Variants in CMIP observed in about 807,000 individuals in gnomAD.
The protein encoded by CMIP is C-Maf-inducing protein.
CMIP carries 13 observed loss-of-function variants against 97.3 expected under a neutral mutation model. The ratio of observed to expected loss-of-function variants is 0.13; its 90% CI spans 0.09 to 0.21. CMIP has a LOEUF of 0.21. Ranked by LOEUF, CMIP falls within the 10% of genes least tolerant of loss-of-function variation. The pLI is 1.00. For synonymous variants in CMIP, 538 were observed against 436.3 expected (o/e 1.23, Z -2.91); for missense variants, 847 against 1,024.9 (o/e 0.83, Z 2.37).
chr16:81,626,786 A>G (rs866460615), intron 3 of CMIP, among the ~76,000 whole-genome samples: 1 of 102,508 alleles, frequency 9.8e-6, no homozygotes, highest in Non-Finnish European at 1.9e-5. Context: ...AGAGAGAGAG[A>G]GAGTGTGTGT....
rs2151012312 is a variant in CMIP at position 81,655,735 on chromosome 16, C to T, written c.640-2040C>T. 6.6e-6 allele frequency among the ~76,000 whole-genome samples: 1 copy of T among 152,260 alleles called. No individual in the cohort carries two copies. Among genetic ancestry groups the T allele is most frequent in the East Asian group, 1.9e-4 (1 of 5,188 alleles). Reference sequence around the variant, plus strand: ...GGATGGGTGGTGGAGCACTGTAGCTCAGTGGCAGGAAATATAGACTTTAGA... The same window carrying T: ...GGATGGGTGGTGGAGCACTGTAGCTTAGTGGCAGGAAATATAGACTTTAGA... On this transcript the variant is annotated intron_variant, in intron 4 of 20. Coordinates refer to ENST00000537098, the MANE Select transcript of CMIP (RefSeq NM_198390.3). This position sits in a 1 kb window ranked among gnomAD's most constrained non-coding sequence, Gnocchi z 4.9.
intron 1 of CMIP, among the ~76,000 whole-genome samples, chr16:81,474,539 G>T (rs968333067): frequency 6.6e-6 from 1 of 152,200 alleles, no homozygotes; most frequent in African/African-American, 2.4e-5. Context: ...GAGGTGCTGC[G>T]TGAGGATCCC....
chr16:81,541,938 T>C (rs1207128165), intron 1 of CMIP, among the ~76,000 whole-genome samples: 1 of 152,248 alleles, frequency 6.6e-6, no homozygotes, highest in African/African-American at 2.4e-5. Flanking sequence ...TTTCATGTTT[T>C]AATTTTCTCC....
intron 19 of CMIP, among the ~76,000 whole-genome samples, chr16:81,706,445 C>CCAGTTTGGCTGCAAATG (rs1229699831): frequency 6.6e-6 from 1 of 152,210 alleles, no homozygotes; most frequent in Non-Finnish European, 1.5e-5. Flanking sequence ...CAGCGCTCGG[C>CCAGTTTGGCTGCAAATG]CAGTTTGGCT....
In CMIP at chr16:81,463,478, C is replaced by T. The variant is rs374292080; in HGVS notation, c.300+17937C>T. Among the ~76,000 whole-genome samples, 61 of 152,278 alleles carry T rather than the reference C, an allele frequency of 4.0e-4. 2 individuals carry two copies. The East Asian group carries it at 9.4e-3, about 24-fold the overall frequency. ...ACTCCCACTACGTTTGGCGGGACGG[C>T]GGTTGTGGTTTTTATTCTCAGATTT... On this transcript the variant is annotated intron_variant, in intron 1 of 20. Coordinates refer to ENST00000537098, the MANE Select transcript of CMIP (RefSeq NM_198390.3).
In CMIP at chr16:81,640,260, G is replaced by A. The variant is rs866710590; in HGVS notation, c.478-11943G>A. ...GAAGTCAGTGTTTCTGTCCCCTGCT[G>A]CAGCAAGAGCAGGATAGGACATCAG... On this transcript the variant is annotated intron_variant, in intron 3 of 20. Transcript: ENST00000537098. 8.8e-4 allele frequency among the ~76,000 whole-genome samples: 132 copies of A among 150,516 alleles called. 1 individual carries two copies. The highest frequency in any genetic ancestry group is 3.5e-3 in the Middle Eastern group (1 of 286).
chr16:81,552,767 C>A (rs1454757446), intron 1 of CMIP, among the ~76,000 whole-genome samples: 1 of 152,220 alleles, frequency 6.6e-6, no homozygotes, highest in Non-Finnish European at 1.5e-5. Context: ...CTTGTGCCTA[C>A]CACCAGGGGC....
chr16:81,534,805 T>C (rs534344824), intron 1 of CMIP, among the ~76,000 whole-genome samples: 1 of 152,336 alleles, frequency 6.6e-6, no homozygotes, highest in African/African-American at 2.4e-5. Context: ...TAGTGTGCCC[T>C]TTTCCCATTG....
rs1336857877 is a variant in CMIP at position 81,652,157 on chromosome 16, C to T, written c.478-46C>T. 6.0e-6 allele frequency: 9 copies of T among 1,496,920 alleles called. No individual in the cohort carries two copies. The highest frequency in any genetic ancestry group is 8.4e-6 in the Non-Finnish European group (9 of 1,077,104). 92.7% of individuals were successfully genotyped at this position (1,496,920 alleles called of 1,614,324 possible). ...TTGATTGTCTTCCATCTTCTGCCTT[C>T]CTTACGTGAGTAACATGTTGCTGTC... On this transcript the variant is annotated intron_variant, in intron 3 of 20. Coordinates refer to ENST00000537098, the MANE Select transcript of CMIP (RefSeq NM_198390.3). The surrounding 1 kb of genome is among the most constrained non-coding windows in gnomAD (Gnocchi z 5.2).
At chr16:81,552,075 G>C (rs1001723049) in intron 1 of CMIP, among the ~76,000 whole-genome samples, 9 of 152,276 alleles carry the variant, frequency 5.9e-5, no homozygotes, top group Non-Finnish European at 1.3e-4. Context: ...TGCATCCTTT[G>C]GCTTTAGGAG....
chr16:81,523,814 T>C (rs776288254), intron 1 of CMIP, among the ~76,000 whole-genome samples: 3 of 152,210 alleles, frequency 2.0e-5, no homozygotes, highest in Non-Finnish European at 2.9e-5. Context: ...TGAACCTCGC[T>C]CAGACACAGC....
intron 1 of CMIP, among the ~76,000 whole-genome samples, chr16:81,564,273 C>A (rs942203675): frequency 6.6e-6 from 1 of 152,186 alleles, no homozygotes; most frequent in African/African-American, 2.4e-5. Context: ...CTCCATATCA[C>A]CCCTACTTCC....
intron 3 of CMIP, among the ~76,000 whole-genome samples, chr16:81,634,639 G>A (rs532799403): frequency 6.6e-6 from 1 of 152,226 alleles, no homozygotes; most frequent in African/African-American, 2.4e-5. Context: ...GCAGGAGTGC[G>A]CCTTCTCCTA....
chr16:81,548,130 CTTTTTT>C (rs11351275), intron 1 of CMIP, among the ~76,000 whole-genome samples: 12 of 111,752 alleles, frequency 1.1e-4, no homozygotes, highest in African/African-American at 4.2e-4. Flanking sequence ...GGATGGATCA[CTTTTTT>C]TTTTTTTTTT....
At chr16:81,564,034 C>T (rs79836719) in intron 1 of CMIP, among the ~76,000 whole-genome samples, 4,216 of 152,354 alleles carry the variant, frequency 0.028, 87 homozygotes, top group Middle Eastern at 0.095. Context: ...TCTCCCATTT[C>T]GTCCTCTCCT....
At chr16:81,589,215 G>C (rs1175164375) in intron 1 of CMIP, among the ~76,000 whole-genome samples, 2 of 152,090 alleles carry the variant, frequency 1.3e-5, no homozygotes. Flanking sequence ...TCCTGCGTCA[G>C]CTTCCCAAGT....
At chr16:81,487,240 C>G (rs2089330084) in intron 1 of CMIP, among the ~76,000 whole-genome samples, 1 of 144,120 alleles carries the variant, frequency 6.9e-6, no homozygotes, top group African/African-American at 2.5e-5. Flanking sequence ...CACTGCTCTA[C>G]CTGGGAGCCC....
At chr16:81,532,101 C>T (rs1022461246) in intron 1 of CMIP, among the ~76,000 whole-genome samples, 1 of 152,168 alleles carries the variant, frequency 6.6e-6, no homozygotes, top group African/African-American at 2.4e-5. Flanking sequence ...ATAAGGAAAT[C>T]GAGGCCAAGG....
intron 1 of CMIP, among the ~76,000 whole-genome samples, chr16:81,445,960 GA>G (rs1328131415): frequency 1.4e-5 from 2 of 144,422 alleles, no homozygotes; most frequent in African/African-American, 5.8e-5. Context: ...CCACCCCTCA[GA>G]TTTAAAAAAA....
Sources: gnomAD v4.1 joint callset for allele counts (sites outside exome capture counted in the v4.1 genomes callset) on GRCh38, gnomAD v4.1.1 for gene constraint, Gnocchi (gnomAD v3.1) non-coding constraint, MANE v1.5 for transcripts, NCBI Gene and HGNC (gene_info 2026-07-23, HGNC 2026-07-21) for gene names.